Variants in RNGTT observed in about 807,000 individuals in gnomAD.
RNGTT encodes RNA guanylyltransferase and 5'-phosphatase.
A neutral mutation model predicts 79.3 loss-of-function variants in RNGTT; 33 were observed. The ratio of observed to expected loss-of-function variants is 0.42; its 90% CI spans 0.32 to 0.56. The LOEUF is 0.56. Ranked by LOEUF, RNGTT falls within the 20% of genes least tolerant of loss-of-function variation. The pLI is 0.17. For synonymous variants in RNGTT, 222 were observed against 235.9 expected, an observed-to-expected ratio of 0.94 and a Z score of 0.54; for missense variants, 497 against 739.1, an observed-to-expected ratio of 0.67 and a Z score of 3.80.
intron 12 of RNGTT, among the ~76,000 whole-genome samples, chr6:88,790,144 C>T (rs1387619994): frequency 1.3e-5 from 2 of 152,124 alleles, no homozygotes; most frequent in East Asian, 3.9e-4. Context: ...CAGAAGTTAA[C>T]ACAGCATACA....
At chr6:88,703,992 G>A (rs1346899989) in intron 13 of RNGTT, among the ~76,000 whole-genome samples, 1 of 152,142 alleles carries the variant, frequency 6.6e-6, no homozygotes, top group African/African-American at 2.4e-5. Flanking sequence ...GGGTGCGGTG[G>A]CTCACGCCTG....
At chr6:88,902,787 T>A (rs1410507386) in intron 6 of RNGTT, among the ~76,000 whole-genome samples, 1 of 147,368 alleles carries the variant, frequency 6.8e-6, no homozygotes, top group Non-Finnish European at 1.5e-5. Flanking sequence ...CCTCTGCCTC[T>A]GGGGTTCAAG....
At chr6:88,804,244 T>G (rs1020061696) in intron 11 of RNGTT, among the ~76,000 whole-genome samples, 1 of 152,188 alleles carries the variant, frequency 6.6e-6, no homozygotes, top group African/African-American at 2.4e-5. Context: ...AGACTTTAAC[T>G]AAAAATAAAG....
Position 88,678,341 on chromosome 6 carries a change from G to A in RNGTT, c.1506+12C>T, listed in dbSNP as rs1275713577. ...CATCCAGGAAAAGTACACTGAAAAT[G>A]AACAAACATACCTTGATTTGTGCAA... On this transcript the variant is annotated intron_variant, in intron 14 of 15. Transcript: ENST00000369485. 1.3e-6 allele frequency: 2 copies of A among 1,585,934 alleles called. No homozygotes were observed. Among genetic ancestry groups the A allele is most frequent in the East Asian group, 4.5e-5 (2 of 44,128 alleles).
intron 1 of RNGTT, among the ~76,000 whole-genome samples, chr6:88,962,332 TA>T (rs918236830): frequency 4.6e-5 from 7 of 151,584 alleles, no homozygotes; most frequent in South Asian, 2.1e-4. Flanking sequence ...GAAAAATAAT[TA>T]AAAAAAACAA....
intron 10 of RNGTT, among the ~76,000 whole-genome samples, chr6:88,844,758 G>A (rs1781432545): frequency 6.6e-6 from 1 of 152,024 alleles, no homozygotes; most frequent in Non-Finnish European, 1.5e-5. Flanking sequence ...AACAGTATGA[G>A]AAAGTGGCAC....
At chr6:88,775,073 T>A (rs894591286) in intron 12 of RNGTT, among the ~76,000 whole-genome samples, 1 of 152,210 alleles carries the variant, frequency 6.6e-6, no homozygotes, top group Non-Finnish European at 1.5e-5. Flanking sequence ...GGTATCCTAA[T>A]TGGAATGCAT....
chr6:88,843,540 G>A (rs1472450029), intron 11 of RNGTT, among the ~76,000 whole-genome samples: 1 of 133,648 alleles, frequency 7.5e-6, no homozygotes, highest in Non-Finnish European at 1.6e-5. Flanking sequence ...GGAATATTTA[G>A]TATGATTCTT....
intron 13 of RNGTT, among the ~76,000 whole-genome samples, chr6:88,724,111 T>C (rs935947730): frequency 2.0e-5 from 3 of 152,202 alleles, no homozygotes; most frequent in Admixed American, 6.5e-5. Flanking sequence ...AAAAAAGTTA[T>C]AGTGAGCTAA....
At chr6:88,835,751 C>T (rs956179196) in intron 11 of RNGTT, among the ~76,000 whole-genome samples, 7 of 151,950 alleles carry the variant, frequency 4.6e-5, no homozygotes, top group Admixed American at 2.0e-4. Context: ...TGAAAAACAT[C>T]GTATAAAAAC....
At chr6:88,887,924 T>C (rs1671706521) in intron 8 of RNGTT, among the ~76,000 whole-genome samples, 2 of 152,130 alleles carry the variant, frequency 1.3e-5, no homozygotes, top group African/African-American at 2.4e-5. Flanking sequence ...AAGACCAGCC[T>C]GGGCAACATG....
chr6:88,801,509 T>C lies in RNGTT; in HGVS notation c.1338+55A>G, dbSNP rs1187842665. 3 of 1,366,334 alleles carry C rather than the reference T, an allele frequency of 2.2e-6. No individual in the cohort carries two copies. The Admixed American group carries it at 5.2e-5, about 24-fold the overall frequency. 84.6% of individuals were successfully genotyped at this position (1,366,334 alleles called of 1,614,324 possible). Reference sequence around the variant, plus strand: ...ATGTGTATGTATATGTATATCTGTGTACACACACACACAAACACACAAACG... The same window carrying C: ...ATGTGTATGTATATGTATATCTGTGCACACACACACACAAACACACAAACG... On this transcript the variant is annotated intron_variant, in intron 12 of 15. Coordinates refer to ENST00000369485, the MANE Select transcript of RNGTT (RefSeq NM_003800.5).
intron 4 of RNGTT, among the ~76,000 whole-genome samples, chr6:88,921,663 A>G (rs1037324977): frequency 6.6e-6 from 1 of 152,108 alleles, no homozygotes; most frequent in African/African-American, 2.4e-5. Flanking sequence ...ATGAAACCTC[A>G]TGTATCCATC....
chr6:88,660,685 A>C (rs542802923), intron 14 of RNGTT, among the ~76,000 whole-genome samples: 1 of 152,302 alleles, frequency 6.6e-6, no homozygotes, highest in South Asian at 2.1e-4. Context: ...TACTAGACCT[A>C]AGAAACGAGA....
At chr6:88,861,818 T>C (rs931604734) in intron 8 of RNGTT, among the ~76,000 whole-genome samples, 1 of 152,166 alleles carries the variant, frequency 6.6e-6, no homozygotes, top group African/African-American at 2.4e-5. Flanking sequence ...GTTTTTAAAT[T>C]ATTCAAAATA....
chr6:88,729,718 G>T (rs553390267), intron 13 of RNGTT, among the ~76,000 whole-genome samples: 1 of 152,198 alleles, frequency 6.6e-6, no homozygotes, highest in East Asian at 1.9e-4. Flanking sequence ...GCAAAAAGAG[G>T]AGTTTGTGTC....
intron 13 of RNGTT, among the ~76,000 whole-genome samples, chr6:88,696,601 TACACACAC>T (rs67058652): frequency 1.0e-4 from 15 of 147,596 alleles, no homozygotes; most frequent in Non-Finnish European, 1.5e-4. Context: ...AATCCTGAAG[TACACACAC>T]ACACACACAC....
In RNGTT at chr6:88,625,326, C is replaced by T. The variant is rs558860140; in HGVS notation, c.1507-10931G>A. 1.1e-4 allele frequency among the ~76,000 whole-genome samples: 16 copies of T among 152,050 alleles called. No homozygotes were observed. The South Asian group carries it at 2.5e-3, about 24-fold the overall frequency. ...TGTGACCATCCAAAACTGGGAATAA[C>T]TTAAATGCCCTTCAAATGGTGAATA... On this transcript the variant is annotated intron_variant, in intron 14 of 15. Transcript: ENST00000369485.
intron 12 of RNGTT, among the ~76,000 whole-genome samples, chr6:88,776,908 A>T (rs1778907226): frequency 6.6e-6 from 1 of 152,156 alleles, no homozygotes; most frequent in Non-Finnish European, 1.5e-5. Flanking sequence ...TTGATGTAAC[A>T]TCAAAAAGAT....
Sources: allele counts gnomAD v4.1 joint callset (sites outside exome capture counted in the v4.1 genomes callset), GRCh38; gene constraint gnomAD v4.1.1; transcripts MANE v1.5; gene names NCBI Gene and HGNC (gene_info 2026-07-23, HGNC 2026-07-21).